TET3: variants seen among roughly 807,000 people sequenced by gnomAD.
The protein encoded by TET3 is methylcytosine dioxygenase TET3.
In TET3, 19 loss-of-function variants were observed where a neutral mutation model predicts 141.4. The ratio of observed to expected loss-of-function variants is 0.13; its 90% CI spans 0.09 to 0.20. The LOEUF is 0.20. TET3 is among the 10% of genes least tolerant of loss of function. TET3 has a pLI of 1.00. For synonymous variants in TET3, 1,043 were observed against 980.9 expected (o/e 1.06, Z -1.18); for missense variants, 1,874 against 2,356.9 (o/e 0.80, Z 4.24).
the TET3 span, among the ~76,000 whole-genome samples, chr2:74,118,992 G>A: frequency 0.27 from 40,960 of 152,136 alleles, 6,406 homozygotes; most frequent in African/African-American, 0.41. Context: ...CACCATGCAT[G>A]TAAGTTGTAG....
intron 4 of TET3, among the ~76,000 whole-genome samples, chr2:74,062,246 C>T (rs538286040): frequency 6.6e-6 from 1 of 152,336 alleles, no homozygotes; most frequent in Non-Finnish European, 1.5e-5. Context: ...CAGCGAAACC[C>T]CGTCTCCACC....
chr2:74,070,415 T>C (rs899620964), intron 4 of TET3, among the ~76,000 whole-genome samples: 1 of 152,196 alleles, frequency 6.6e-6, no homozygotes, highest in South Asian at 2.1e-4. Flanking sequence ...ACTGCCTCCA[T>C]GATTCAGTTA....
Position 73,984,973 on chromosome 2 carries a change from C to T in TET3, c.-609C>T, listed in dbSNP as rs915903254. Among the ~76,000 whole-genome samples the T allele has an allele frequency of 1.4e-5, 2 of 146,956 alleles. No individual in the cohort carries two copies. The highest frequency in any genetic ancestry group is 3.0e-5 in the Non-Finnish European group (2 of 66,020). On this transcript the variant is annotated 5_prime_UTR_variant, in exon 1 of 12. Transcript: ENST00000409262. The surrounding 1 kb of genome is among the most constrained non-coding windows in gnomAD (Gnocchi z 5.6). ...CCGCGGCCGCCGCTGCCTCTTCCTTCCTCCTGCGCCGTCCCCTCCTCGGCC... is the reference window on the plus strand; with the variant it reads ...CCGCGGCCGCCGCTGCCTCTTCCTTTCTCCTGCGCCGTCCCCTCCTCGGCC...
chr2:74,047,708 T>G lies in TET3; in HGVS notation c.1791T>G (p.Pro597=). ...CCGTGGGAACGGAGAAAGCTGCCCC[T>G]GGGATCAAGCCCAGTGTCCGAAAGC... ...GGPVGTEKAA[P]GIKPSVRKPI... is the part of the protein sequence containing the mutation. The change falls in exon 4 of 12, where the codon CCT becomes CCG. Residue 597 remains proline, a synonymous_variant. Transcript: ENST00000409262. 1 of 1,613,294 alleles carries G rather than the reference T, an allele frequency of 6.2e-7. No homozygotes were observed. Among genetic ancestry groups the G allele is most frequent in the Non-Finnish European group, 8.5e-7 (1 of 1,179,660 alleles).
At position 74,100,555 on chromosome 2, in the gene TET3, G is replaced by A. The variant is rs1225332938; in HGVS notation, c.3767G>A (p.Ser1256Asn). The A allele has an allele frequency of 1.2e-6, 2 of 1,613,210 alleles. No homozygotes were observed. Among genetic ancestry groups the A allele is most frequent in the South Asian group, 1.1e-5 (1 of 90,830 alleles). Residue 1256 changes from serine to asparagine, a missense_variant, in exon 12 of 12, where the codon AGC (serine) becomes AAC (asparagine). Ser to Asn is a conservative substitution (Grantham distance 46). Transcript: ENST00000409262. ...CRPSDPYSMN[S>N]VYSYHSYYAQ... ...CCCTCCGACCCTTACAGCATGAACA[G>A]CGTGTACTCCTACCACTCCTACTAT...
intron 3 of TET3, among the ~76,000 whole-genome samples, chr2:74,019,197 C>T (rs768275198): frequency 3.2e-4 from 49 of 152,170 alleles, no homozygotes; most frequent in African/African-American, 1.1e-3. Context: ...TTGGAGGCTG[C>T]GGTGAGCTAT....
intron 10 of TET3, among the ~76,000 whole-genome samples, chr2:74,096,809 A>G (rs1690862055): frequency 1.3e-5 from 2 of 151,592 alleles, no homozygotes; most frequent in Admixed American, 1.3e-4. Flanking sequence ...AAAGCAGGTC[A>G]GGCTGGGCAC....
At chr2:73,990,362 C>T (rs1177792757) in intron 2 of TET3, among the ~76,000 whole-genome samples, 1 of 152,146 alleles carries the variant, frequency 6.6e-6, no homozygotes, top group Non-Finnish European at 1.5e-5. Context: ...AGATGCAATA[C>T]AAATTAAGCG....
chr2:74,101,276 G>A lies in TET3; in HGVS notation c.4488G>A (p.Glu1496=). 1 of 1,612,770 alleles carries A rather than the reference G, an allele frequency of 6.2e-7. No homozygotes were observed. Among genetic ancestry groups the A allele is most frequent in the Non-Finnish European group, 8.5e-7 (1 of 1,179,448 alleles). The part of the protein sequence containing the change: ...TDGQWGLFPG[E]GQQAASHSGG... The stretch of plus-strand genomic sequence containing the variant: ...GCCAGTGGGGGCTGTTCCCCGGTGA[G>A]GGGCAGCAGGCAGCTTCCCACTCTG... The change falls in exon 12 of 12, where the codon GAG becomes GAA. Residue 1496 remains glutamate (E), a synonymous_variant. Coordinates refer to ENST00000409262, the MANE Select transcript of TET3 (RefSeq NM_001287491.2). This position sits in a 1 kb window ranked among gnomAD's most constrained non-coding sequence, Gnocchi z 8.5.
chr2:74,022,730 AT>A, intron 3 of TET3, among the ~76,000 whole-genome samples: 1 of 152,160 alleles, frequency 6.6e-6, no homozygotes, highest in Non-Finnish European at 1.5e-5. Flanking sequence ...ACTACAATGC[AT>A]TTTCAAATTC....
At chr2:74,014,967 C>A (rs1231041668) in intron 3 of TET3, among the ~76,000 whole-genome samples, 1 of 152,202 alleles carries the variant, frequency 6.6e-6, no homozygotes, top group Non-Finnish European at 1.5e-5. Flanking sequence ...CTGGATTTCT[C>A]CCTTAGAGTG....
intron 4 of TET3, among the ~76,000 whole-genome samples, chr2:74,070,580 T>G (rs1275004628): frequency 6.6e-6 from 1 of 152,214 alleles, no homozygotes; most frequent in East Asian, 1.9e-4. Flanking sequence ...GTTTCTGATT[T>G]TCATTGCGGA....
At chr2:74,072,478 C>T (rs1329170716) in intron 4 of TET3, among the ~76,000 whole-genome samples, 1 of 150,570 alleles carries the variant, frequency 6.6e-6, no homozygotes, top group Non-Finnish European at 1.5e-5. Flanking sequence ...CGCCATTGCA[C>T]TCCAGCCTGG....
At chr2:74,025,830 G>A (rs1359921280) in intron 3 of TET3, among the ~76,000 whole-genome samples, 1 of 152,080 alleles carries the variant, frequency 6.6e-6, no homozygotes, top group Non-Finnish European at 1.5e-5. Context: ...TTGGCCAGGC[G>A]CTGTGGCTCA....
intron 4 of TET3, among the ~76,000 whole-genome samples, chr2:74,051,063 T>G (rs553672428): frequency 4.0e-4 from 61 of 152,328 alleles, no homozygotes; most frequent in African/African-American, 1.4e-3. Context: ...TTTTGAAAAC[T>G]GTGGTGAACA....
At chr2:74,120,578 A>C in the TET3 span, 2 of 152,450 alleles carry the variant, frequency 1.3e-5, no homozygotes, top group African/African-American at 4.8e-5. Flanking sequence ...GAGGGACCGG[A>C]AGGAGGAGCG....
Position 74,048,128 on chromosome 2 carries a change from CCAGCAAACA to C in TET3, c.2212_2220del (p.Gln738_Thr740del), listed in dbSNP as rs776123480. On this transcript the variant is annotated inframe_deletion, in exon 4 of 12. Transcript: ENST00000409262. ...CTGTGCCCATTCAGGACCCCGAGAA[CCAGCAAACA>C]TGTCTCCCAGCCCCTGAGAGCCCCT... 3 of 1,613,280 alleles carry C rather than the reference CCAGCAAACA, an allele frequency of 1.9e-6. No homozygotes were observed. The South Asian group carries it at 3.3e-5, about 18-fold the overall frequency.
chr2:74,043,584 G>C (rs1206893633), intron 3 of TET3, among the ~76,000 whole-genome samples: 1 of 152,164 alleles, frequency 6.6e-6, no homozygotes, highest in African/African-American at 2.4e-5. Flanking sequence ...GAGCTGATAA[G>C]CCAGGGAGGC....
intron 4 of TET3, among the ~76,000 whole-genome samples, chr2:74,068,023 C>G (rs919275893): frequency 6.6e-6 from 1 of 152,024 alleles, no homozygotes; most frequent in African/African-American, 2.4e-5. Flanking sequence ...GGGCTCAGAC[C>G]AACTGTTAGG....
Sources: gnomAD v4.1 joint callset for allele counts (sites outside exome capture counted in the v4.1 genomes callset) on GRCh38, gnomAD v4.1.1 for gene constraint, Gnocchi (gnomAD v3.1) non-coding constraint, MANE v1.5 for transcripts, NCBI Gene and HGNC (gene_info 2026-07-23, HGNC 2026-07-21) for gene names.